The following TMPRSS15 variants were observed in gnomAD, a reference collection of about 807,000 sequenced individuals.
The protein encoded by TMPRSS15 is transmembrane serine protease 15, also known as enteropeptidase.
In TMPRSS15, 128 loss-of-function variants were observed where a neutral mutation model predicts 125.3. The observed-to-expected ratio is 1.02, with a 90% CI of 0.89 to 1.18. TMPRSS15 has a LOEUF of 1.18. Among genes scored for constraint, TMPRSS15 ranks in the 50% most tolerant of loss-of-function variants. TMPRSS15 has a pLI of 0.00. For missense variants in TMPRSS15, 1,283 were observed against 1,212.7 expected (o/e 1.06, Z -0.86); for synonymous variants, 446 against 423.2 (o/e 1.05, Z -0.66).
intron 1 of TMPRSS15, among the ~76,000 whole-genome samples, chr21:18,436,359 A>G (rs1465310047): frequency 1.3e-5 from 2 of 152,024 alleles, no homozygotes; most frequent in East Asian, 3.9e-4. Flanking sequence ...TTCAAAGAAC[A>G]TCTTTATTTC....
At chr21:18,365,681 T>A (rs1307132759) in intron 6 of TMPRSS15, among the ~76,000 whole-genome samples, 2 of 138,454 alleles carry the variant, frequency 1.4e-5, no homozygotes, top group African/African-American at 5.5e-5. Context: ...CTTCCTTCCT[T>A]CCTTCCTTCC....
At chr21:18,312,310 A>T (rs1265525173) in intron 18 of TMPRSS15, among the ~76,000 whole-genome samples, 1 of 151,932 alleles carries the variant, frequency 6.6e-6, no homozygotes, top group Middle Eastern at 3.2e-3. Flanking sequence ...GATGCAAGCT[A>T]TTAATGCATT....
At chr21:18,458,774 A>C (rs1027594023) in intron 1 of TMPRSS15, among the ~76,000 whole-genome samples, 4 of 152,144 alleles carry the variant, frequency 2.6e-5, no homozygotes, top group African/African-American at 7.2e-5. Flanking sequence ...CTTTTCCCAA[A>C]ATAAAATTCC....
chr21:18,441,565 C>G (rs2076241536), intron 1 of TMPRSS15, among the ~76,000 whole-genome samples: 1 of 144,432 alleles, frequency 6.9e-6, no homozygotes, highest in Non-Finnish European at 1.5e-5. Context: ...TGAGATCGTG[C>G]CACTGCACCC....
chr21:18,350,478 G>T (rs1171514019), intron 10 of TMPRSS15, among the ~76,000 whole-genome samples: 1 of 151,952 alleles, frequency 6.6e-6, no homozygotes, highest in Non-Finnish European at 1.5e-5. Context: ...TTAGGCAATG[G>T]CCTTCCACCA....
At chr21:18,351,739 C>A (rs2075571685) in intron 10 of TMPRSS15, among the ~76,000 whole-genome samples, 1 of 152,004 alleles carries the variant, frequency 6.6e-6, no homozygotes, top group Non-Finnish European at 1.5e-5. Flanking sequence ...CTAATACATG[C>A]CCTATTAATT....
chr21:18,460,931 A>G (rs1978539929), intron 1 of TMPRSS15, among the ~76,000 whole-genome samples: 1 of 152,196 alleles, frequency 6.6e-6, no homozygotes, highest in Admixed American at 6.5e-5. Context: ...ACCATGTTTT[A>G]CACTTTAATT....
intron 3 of TMPRSS15, among the ~76,000 whole-genome samples, chr21:18,391,568 G>GAAGC (rs1254102360): frequency 6.6e-6 from 1 of 152,214 alleles, no homozygotes; most frequent in African/African-American, 2.4e-5. Flanking sequence ...TAGTGGCTTT[G>GAAGC]AAGCATACAG....
At chr21:18,335,584 C>T (rs1030378246) in intron 13 of TMPRSS15, among the ~76,000 whole-genome samples, 21 of 152,200 alleles carry the variant, frequency 1.4e-4, no homozygotes, top group African/African-American at 5.1e-4. Context: ...CTTTAAAATA[C>T]TTAAGTACTT....
intron 8 of TMPRSS15, among the ~76,000 whole-genome samples, chr21:18,356,978 C>T (rs2075631402): frequency 6.6e-6 from 1 of 151,740 alleles, no homozygotes; most frequent in Admixed American, 6.6e-5. Flanking sequence ...ACCAGCTAAG[C>T]ACTTGAGATA....
At chr21:18,419,115 AAC>A (rs1357902318) in intron 1 of TMPRSS15, among the ~76,000 whole-genome samples, 1 of 152,162 alleles carries the variant, frequency 6.6e-6, no homozygotes, top group Non-Finnish European at 1.5e-5. Context: ...CAACTCCAAA[AAC>A]AGTCTTACTC....
Position 18,269,943 on chromosome 21 carries a change from CT to C in TMPRSS15, c.*25del, listed in dbSNP as rs1429916496. On this transcript the variant is annotated 3_prime_UTR_variant, in exon 25 of 25. Coordinates refer to ENST00000284885, the MANE Select transcript of TMPRSS15 (RefSeq NM_002772.3). ...AGAGTAGAATGGGAAAATAATGCGA[CT>C]TTCCTGTTTAGTTTAAGAAATGCGC... 1.2e-6 allele frequency: 2 copies of C among 1,612,644 alleles called. No homozygotes were observed. Among genetic ancestry groups the C allele is most frequent in the African/African-American group, 2.7e-5 (2 of 74,842 alleles).
chr21:18,427,571 C>T (rs964175838), intron 1 of TMPRSS15, among the ~76,000 whole-genome samples: 1 of 152,186 alleles, frequency 6.6e-6, no homozygotes, highest in Non-Finnish European at 1.5e-5. Context: ...ATTACTACTT[C>T]ACCATCTGAA....
At chr21:18,389,518 A>T (rs999132430) in intron 3 of TMPRSS15, among the ~76,000 whole-genome samples, 1 of 152,122 alleles carries the variant, frequency 6.6e-6, no homozygotes, top group Non-Finnish European at 1.5e-5. Context: ...AACTCAAATA[A>T]TTTACAATTT....
At chr21:18,388,946 G>C (rs1302132136) in intron 3 of TMPRSS15, among the ~76,000 whole-genome samples, 1 of 152,078 alleles carries the variant, frequency 6.6e-6, no homozygotes, top group Non-Finnish European at 1.5e-5. Flanking sequence ...TGGAAACAGA[G>C]GGAAGGGACT....
intron 1 of TMPRSS15, among the ~76,000 whole-genome samples, chr21:18,413,683 C>A (rs910022469): frequency 2.0e-5 from 3 of 151,464 alleles, no homozygotes; most frequent in South Asian, 4.2e-4. Flanking sequence ...CTGCTTTGGC[C>A]TCCCAAAGTG....
chr21:18,461,444 T>A (rs1416282025), intron 1 of TMPRSS15, among the ~76,000 whole-genome samples: 2 of 152,096 alleles, frequency 1.3e-5, no homozygotes, highest in African/African-American at 2.4e-5. Flanking sequence ...TCCCTAGTGT[T>A]TCAGTAACAA....
chr21:18,469,655 T>C (rs564748613), intron 1 of TMPRSS15, among the ~76,000 whole-genome samples: 1 of 152,044 alleles, frequency 6.6e-6, no homozygotes. Context: ...CATATCATGA[T>C]AGATTTTAGT....
intron 3 of TMPRSS15, among the ~76,000 whole-genome samples, chr21:18,389,458 C>G (rs2075973327): frequency 6.6e-6 from 1 of 152,108 alleles, no homozygotes; most frequent in African/African-American, 2.4e-5. Context: ...GGTTTGAGCA[C>G]TGTACTGGCC....
Sources: allele counts gnomAD v4.1 joint callset (sites outside exome capture counted in the v4.1 genomes callset), GRCh38; gene constraint gnomAD v4.1.1; transcripts MANE v1.5; gene names NCBI Gene and HGNC (gene_info 2026-07-23, HGNC 2026-07-21).